POLA1: variants seen among roughly 807,000 people sequenced by gnomAD.
The protein encoded by POLA1 is DNA polymerase alpha 1, catalytic subunit.
A neutral mutation model predicts 124.0 loss-of-function variants in POLA1; 15 were observed. The observed-to-expected ratio is 0.12, with a 90% CI of 0.08 to 0.19. POLA1 has a LOEUF of 0.19. Ranked by LOEUF, POLA1 falls within the 10% of genes least tolerant of loss-of-function variation. The probability of loss-of-function intolerance (pLI) is 1.00; values close to 1 mark genes in which losing one functional copy is unlikely to be tolerated. For missense variants in POLA1, 886 were observed against 1,103.4 expected (o/e 0.80, Z 2.79); for synonymous variants, 408 against 389.4 (o/e 1.05, Z -0.56).
At chrX:24,797,929 T>C (rs1422205506) in intron 26 of POLA1, among the ~76,000 whole-genome samples, 2 of 108,125 alleles carry the variant, frequency 1.8e-5, no homozygotes, top group Admixed American at 2.0e-4. Context: ...GCGCCTATAG[T>C]CCCAGCTACT....
At chrX:24,786,168 G>A (rs1056380482) in intron 26 of POLA1, among the ~76,000 whole-genome samples, 7 of 112,333 alleles carry the variant, frequency 6.2e-5, no homozygotes, top group African/African-American at 1.6e-4. Flanking sequence ...ATGCTGCAGT[G>A]AACATGGGCG....
In POLA1 at chrX:24,816,780, A is replaced by G. The variant is rs185787151; in HGVS notation, c.3429+1669A>G. On this transcript the variant is annotated intron_variant, in intron 30 of 36. Coordinates refer to ENST00000379068, the MANE Select transcript of POLA1 (RefSeq NM_001330360.2). Reference sequence around the variant, plus strand: ...ATGACTGCATAATTGGCAAAATAACACTGAACACATCTCCTTTAGGGTAGT... The same window carrying G: ...ATGACTGCATAATTGGCAAAATAACGCTGAACACATCTCCTTTAGGGTAGT... 4.0e-3 allele frequency among the ~76,000 whole-genome samples: 447 copies of G among 111,630 alleles called. 3 individuals carry two copies. Among genetic ancestry groups the G allele is most frequent in the Non-Finnish European group, 6.3e-3 (337 of 53,078 alleles).
intron 36 of POLA1, among the ~76,000 whole-genome samples, chrX:24,950,733 G>A (rs983320513): frequency 8.9e-6 from 1 of 111,933 alleles, no homozygotes; most frequent in Admixed American, 9.5e-5. Context: ...TCCTAGTTCA[G>A]ATAAAGGGCA....
chrX:24,821,840 G>A lies in POLA1; in HGVS notation c.3561+257G>A, dbSNP rs1429614315. On this transcript the variant is annotated intron_variant, in intron 31 of 36. Transcript: ENST00000379068. ...AATGCAAATGTAAGTTTCGCCATATGTTCAGCAGTAGTCCTCATTTATCTC... is the reference window on the plus strand; with the variant it reads ...AATGCAAATGTAAGTTTCGCCATATATTCAGCAGTAGTCCTCATTTATCTC... 4.5e-5 allele frequency among the ~76,000 whole-genome samples: 5 copies of A among 112,118 alleles called. No individual in the cohort carries two copies. In the Admixed American group the frequency reaches 4.7e-4, roughly 11 times the overall value.
intron 36 of POLA1, among the ~76,000 whole-genome samples, chrX:24,961,967 A>G (rs1273937138): frequency 2.7e-5 from 3 of 112,146 alleles, no homozygotes; most frequent in Non-Finnish European, 5.6e-5. Flanking sequence ...ATGACAAACT[A>G]TAATGCTACC....
chrX:24,854,257 G>A (rs950266927), intron 34 of POLA1, among the ~76,000 whole-genome samples: 1 of 110,418 alleles, frequency 9.1e-6, no homozygotes, highest in African/African-American at 3.3e-5. Context: ...TGTTGGCCAG[G>A]CTGGTCTTGA....
intron 26 of POLA1, among the ~76,000 whole-genome samples, chrX:24,760,898 A>G (rs1052550806): frequency 2.7e-5 from 3 of 111,670 alleles, no homozygotes; most frequent in Non-Finnish European, 5.6e-5. Flanking sequence ...GAAATTTAGT[A>G]CCAGAGTCAG....
chrX:24,916,697 GT>G lies in POLA1; in HGVS notation c.4165-13751del, dbSNP rs770899951. Among the ~76,000 whole-genome samples the G allele has an allele frequency of 8.0e-5, 9 of 111,900 alleles. No homozygotes were observed. In the South Asian group the frequency reaches 1.9e-3, roughly 24 times the overall value. ...ATAGCGTGGGAAGGATTTTTGTTTT[GT>G]TTTTCTGATTTTTCCAAACAATTTT... is the stretch of plus-strand genomic sequence containing the variant. On this transcript the variant is annotated intron_variant, in intron 35 of 36. Coordinates refer to ENST00000379068, the MANE Select transcript of POLA1 (RefSeq NM_001330360.2).
chrX:24,786,681 ATTTTTTTTTTT>A (rs1205219554), intron 26 of POLA1, among the ~76,000 whole-genome samples: 8 of 63,149 alleles, frequency 1.3e-4, no homozygotes, highest in African/African-American at 2.1e-4. Flanking sequence ...GGCTTGGCTA[ATTTTTTTTTTT>A]TTTTTTTTTT....
chrX:24,729,029 A>G, intron 15 of POLA1, among the ~76,000 whole-genome samples: 1 of 112,079 alleles, frequency 8.9e-6, no homozygotes, highest in Non-Finnish European at 1.9e-5. Flanking sequence ...ATCAGAAGAC[A>G]CAATGTCTGG....
chrX:24,761,658 G>A (rs931387101), intron 26 of POLA1, among the ~76,000 whole-genome samples: 2 of 112,000 alleles, frequency 1.8e-5, no homozygotes, highest in East Asian at 5.5e-4. Context: ...GGAAAAATCC[G>A]GGTATTTCTT....
At chrX:24,908,856 A>G (rs1307821115) in intron 35 of POLA1, among the ~76,000 whole-genome samples, 6 of 111,621 alleles carry the variant, frequency 5.4e-5, no homozygotes, top group East Asian at 2.8e-4. Context: ...CACCAACAGT[A>G]TAAAAGTGTT....
intron 11 of POLA1, 107 bp downstream of exon 11, chrX:24,723,374 A>G: frequency 6.0e-6 from 3 of 500,914 alleles, no homozygotes; most frequent in South Asian, 3.1e-5. Context: ...ATTCTCTACA[A>G]TCCTGATGCT....
chrX:24,721,028 T>C (rs1930171062), intron 10 of POLA1, among the ~76,000 whole-genome samples: 1 of 112,810 alleles, frequency 8.9e-6, no homozygotes, highest in South Asian at 3.6e-4. Context: ...GATTGAAGCA[T>C]TGAAGCACAG....
At chrX:24,889,755 G>A (rs979731839) in intron 35 of POLA1, among the ~76,000 whole-genome samples, 11 of 112,046 alleles carry the variant, frequency 9.8e-5, no homozygotes, top group Middle Eastern at 4.6e-3. Flanking sequence ...CTATTCACAG[G>A]CGCAATCATG....
chrX:24,767,957 G>T (rs1490032945), intron 26 of POLA1, among the ~76,000 whole-genome samples: 1 of 112,276 alleles, frequency 8.9e-6, no homozygotes, highest in Non-Finnish European at 1.9e-5. Context: ...TAAGTAACTT[G>T]CTCAAGATCA....
At chrX:24,894,804 T>TTA (rs2047186282) in intron 35 of POLA1, among the ~76,000 whole-genome samples, 1 of 105,941 alleles carries the variant, frequency 9.4e-6, no homozygotes, top group African/African-American at 3.5e-5. Context: ...TTTTTTTTTG[T>TTA]GAGACAGAGT....
intron 4 of POLA1, among the ~76,000 whole-genome samples, chrX:24,709,966 C>T (rs1425385193): frequency 4.6e-5 from 4 of 87,216 alleles, no homozygotes; most frequent in African/African-American, 1.7e-4. Flanking sequence ...GGCAGAGACA[C>T]TCCTCACTTC....
intron 14 of POLA1, 136 bp from the exon 15 acceptor site, chrX:24,727,646 G>A (rs1035006461): frequency 1.3e-5 from 6 of 469,292 alleles, no homozygotes; most frequent in Non-Finnish European, 2.1e-5. Context: ...CTTATTTTTA[G>A]TTAGATGTTA....
Sources: allele counts gnomAD v4.1 joint callset (sites outside exome capture counted in the v4.1 genomes callset), GRCh38; gene constraint gnomAD v4.1.1; transcripts MANE v1.5; gene names NCBI Gene and HGNC (gene_info 2026-07-23, HGNC 2026-07-21).